ZNF615: variants seen among roughly 807,000 people sequenced by gnomAD.
ZNF615 encodes the protein zinc finger protein 615.
A neutral mutation model predicts 15.3 loss-of-function variants in ZNF615; 15 were observed. The ratio of observed to expected loss-of-function variants is 0.98; its 90% confidence interval spans 0.66 to 1.51. ZNF615 has a LOEUF of 1.51. Ranked by LOEUF, ZNF615 falls within the 40% of genes most tolerant of loss-of-function variation. The pLI is 0.00. For missense variants in ZNF615, 848 were observed against 895.9 expected, an observed-to-expected ratio of 0.95 and a Z score of 0.68; for synonymous variants, 268 against 294.6, an observed-to-expected ratio of 0.91 and a Z score of 0.92.
At chr19:52,004,187 G>A (rs2086684452) in intron 2 of ZNF615, among the ~76,000 whole-genome samples, 1 of 152,110 alleles carries the variant, frequency 6.6e-6, no homozygotes, top group Admixed American at 6.5e-5. Flanking sequence ...GCAATCCTCA[G>A]GCAGACCAGT....
chr19:51,993,557 T>C lies in ZNF615; in HGVS notation c.1552A>G (p.Thr518Ala), dbSNP rs751946120. ...CCACATACATAGGGTTTTTCTCCAG[T>C]ATGAGTTCGCTGATGCACAATAAGG... ...SRLIVHQRTHTGEKPYVCGEC... is the reference protein window; with the variant it reads ...SRLIVHQRTHAGEKPYVCGEC... The change falls in exon 7 of 7, where the codon ACT becomes GCT. Residue 518 changes from threonine (T) to alanine (A), a missense_variant. Physicochemically the swap from Thr to Ala is moderately conservative, Grantham distance 58. Coordinates refer to ENST00000598071, the MANE Select transcript of ZNF615 (RefSeq NM_001199324.2). 8.1e-6 allele frequency: 13 copies of C among 1,614,112 alleles called. No individual in the cohort carries two copies. The South Asian group carries it at 1.4e-4, about 18-fold the overall frequency.
intron 3 of ZNF615, among the ~76,000 whole-genome samples, chr19:52,003,146 A>G (rs1600012638): frequency 6.6e-6 from 1 of 151,976 alleles, no homozygotes; most frequent in East Asian, 1.9e-4. Context: ...CAAATTTGGA[A>G]AAAAAAATCC....
intron 6 of ZNF615, among the ~76,000 whole-genome samples, chr19:51,996,412 A>G (rs932286056): frequency 6.6e-6 from 1 of 150,832 alleles, no homozygotes; most frequent in African/African-American, 2.4e-5. Context: ...AAAAAAACGC[A>G]AAACTATATG....
chr19:52,003,793 AAAACTTC>A lies in ZNF615; in HGVS notation c.-89_-83del, dbSNP rs1476312408. On this transcript the variant is annotated 5_prime_UTR_variant, in exon 3 of 7. The change abolishes the stop of an existing upstream ORF in the 5' untranslated region. Transcript: ENST00000598071. ...TGAATCAGCTCTAAATTTCGGTTCA[AAAACTTC>A]AATCTCCAATCAAGGATGTCCCCAG... The A allele has an allele frequency of 8.8e-6, 14 of 1,587,702 alleles. No homozygotes were observed. The East Asian group carries it at 3.1e-4, about 36-fold the overall frequency.
At chr19:51,997,988 A>G (rs1280206723) in intron 6 of ZNF615, among the ~76,000 whole-genome samples, 1 of 152,112 alleles carries the variant, frequency 6.6e-6, no homozygotes, top group Non-Finnish European at 1.5e-5. Context: ...GATGATTTTA[A>G]TTTGTATTAT....
At chr19:52,002,416 T>A in intron 3 of ZNF615, 135 bp from the exon 4 acceptor site, 1 of 1,273,202 alleles carries the variant, frequency 7.9e-7, no homozygotes, top group Non-Finnish European at 1.1e-6. Context: ...TTTGACAGAA[T>A]AAGAATTCCA....
At chr19:52,006,270 C>T (rs868731955) in intron 2 of ZNF615, among the ~76,000 whole-genome samples, 1 of 151,730 alleles carries the variant, frequency 6.6e-6, no homozygotes, top group Admixed American at 6.6e-5. Flanking sequence ...AGAAACCAGG[C>T]GGGAGGAAGG....
intron 1 of ZNF615, among the ~76,000 whole-genome samples, chr19:52,007,541 G>C (rs943764702): frequency 6.6e-6 from 1 of 152,150 alleles, no homozygotes; most frequent in Non-Finnish European, 1.5e-5. Context: ...GGGCAGAAGG[G>C]GAATGCTAAT....
In ZNF615 at chr19:51,992,640, T is replaced by G; in HGVS notation, c.*240A>C. On this transcript the variant is annotated 3_prime_UTR_variant, in exon 7 of 7. Coordinates refer to ENST00000598071, the MANE Select transcript of ZNF615 (RefSeq NM_001199324.2). ...TGATCTATGATCACTTCTGAGGGGGTTTATCTTCCCACCAAAGGCTTTTAT... is the reference window on the plus strand; with the variant it reads ...TGATCTATGATCACTTCTGAGGGGGGTTATCTTCCCACCAAAGGCTTTTAT... 1 of 503,560 alleles carries G rather than the reference T, an allele frequency of 2.0e-6. No individual in the cohort carries two copies. The highest frequency in any genetic ancestry group is 3.5e-6 in the Non-Finnish European group (1 of 286,272). 31.2% of individuals were successfully genotyped at this position (503,560 alleles called of 1,614,324 possible).
chr19:52,004,907 A>G (rs2086704779), intron 2 of ZNF615: 1 of 152,186 alleles, frequency 6.6e-6, no homozygotes, highest in Admixed American at 6.6e-5. Flanking sequence ...TTGACTGGAA[A>G]AATAATACTG....
Position 51,994,182 on chromosome 19 carries a change from G to A in ZNF615, c.927C>T (p.Ile309=). ...GATGATAAATGAGCCGACACTTCTT[G>A]ATGAAGGCTTTCCCACATTGGCTAC... is the stretch of plus-strand genomic sequence containing the variant. ...YTCSQCGKAF[I]KKCRLIYHQR... Residue 309 remains isoleucine (I), a synonymous_variant, in exon 7 of 7, where the codon ATC becomes ATT. Transcript: ENST00000598071. The A allele has an allele frequency of 6.2e-7, 1 of 1,613,962 alleles. No individual in the cohort carries two copies. The highest frequency in any genetic ancestry group is 8.5e-7 in the Non-Finnish European group (1 of 1,180,012).
chr19:52,001,908 C>T lies in ZNF615; in HGVS notation c.143G>A (p.Gly48Glu), dbSNP rs1475728846. ...TGCATCTGGTTTGCTGGCTTGATACCCTGTTCATGGGAAATGACAGAAGAT... is the reference window on the plus strand; with the variant it reads ...TGCATCTGGTTTGCTGGCTTGATACTCTGTTCATGGGAAATGACAGAAGAT... ...LENYSNLVAVGYQASKPDALS... is the reference protein window; with the variant it reads ...LENYSNLVAVEYQASKPDALS... The change falls in exon 5 of 7, where the codon GGG (glycine) becomes GAG (glutamate). Residue 48 changes from glycine (G) to glutamate (E), a missense_variant and splice_region_variant. Gly to Glu is a moderately conservative substitution (Grantham distance 98, BLOSUM62 -2). Transcript: ENST00000598071. 5 of 1,614,036 alleles carry T rather than the reference C, an allele frequency of 3.1e-6. No homozygotes were observed. The Admixed American group carries it at 8.3e-5, about 27-fold the overall frequency.
intron 1 of ZNF615, chr19:52,007,865 G>A: frequency 2.3e-6 from 1 of 428,738 alleles, no homozygotes; most frequent in Non-Finnish European, 4.2e-6. Context: ...CTCAGTAGCG[G>A]ATCTCTAGAG....
chr19:51,999,915 C>A (rs754575626), intron 6 of ZNF615, among the ~76,000 whole-genome samples: 3 of 152,078 alleles, frequency 2.0e-5, no homozygotes, highest in Non-Finnish European at 4.4e-5. Context: ...ATGAAAGAGA[C>A]CCTGGATTTA....
At position 51,993,853 on chromosome 19, in the gene ZNF615, C is replaced by T. The variant is rs1323857004; in HGVS notation, c.1256G>A (p.Gly419Asp). The change falls in exon 7 of 7, where the codon GGC becomes GAC. Residue 419 changes from glycine (G) to aspartate (D), a missense_variant. Transcript: ENST00000598071. ...KLYTCSECGKGFSMKHCLMVH... is the reference protein window; with the variant it reads ...KLYTCSECGKDFSMKHCLMVH... Reference sequence around the variant, plus strand: ...CATGAGACAGTGCTTCATTGAAAAGCCTTTTCCACATTCACTACATGTATA... The same window carrying T: ...CATGAGACAGTGCTTCATTGAAAAGTCTTTTCCACATTCACTACATGTATA... 6.2e-7 allele frequency: 1 copy of T among 1,613,964 alleles called. No homozygotes were observed. The highest frequency in any genetic ancestry group is 1.3e-5 in the African/African-American group (1 of 74,894).
rs560260030 is a variant in ZNF615 at position 51,993,660 on chromosome 19, A to C, written c.1449T>G (p.Ile483Met). Residue 483 changes from isoleucine to methionine, a missense_variant, in exon 7 of 7, where the codon ATT (isoleucine) becomes ATG (methionine). Coordinates refer to ENST00000598071, the MANE Select transcript of ZNF615 (RefSeq NM_001199324.2). ...CTGCAGTATGAGTTCGCTGATGTACAATGAGGTCACTCTTCATGGTGAAAC... is the reference window on the plus strand; with the variant it reads ...CTGCAGTATGAGTTCGCTGATGTACCATGAGGTCACTCTTCATGGTGAAAC... ...RKGFTMKSDL[I>M]VHQRTHTAEK... The C allele has an allele frequency of 1.9e-6, 3 of 1,613,858 alleles. No individual in the cohort carries two copies. In the Admixed American group the frequency reaches 5.0e-5, roughly 27 times the overall value.
rs532372480 is a variant in ZNF615 at position 52,000,479 on chromosome 19, C to A, written c.239-101G>T. On this transcript the variant is annotated intron_variant, in intron 5 of 6. Coordinates refer to ENST00000598071, the MANE Select transcript of ZNF615 (RefSeq NM_001199324.2). ...TAGAGGGAAGATGATTCTTGTTCCT[C>A]ATACACAAAATGGGAAGTTACAGGC... 52 of 485,558 alleles carry A rather than the reference C, an allele frequency of 1.1e-4. No homozygotes were observed. In the Admixed American group the frequency reaches 1.4e-3, roughly 13 times the overall value. The allele number at this position is 485,558 out of a possible 1,614,324, so 30.1% of individuals were successfully genotyped here.
At chr19:52,001,478 C>CACA (rs2086588402) in intron 5 of ZNF615, among the ~76,000 whole-genome samples, 1 of 151,826 alleles carries the variant, frequency 6.6e-6, no homozygotes, top group African/African-American at 2.4e-5. Flanking sequence ...ATTAGCTGGG[C>CACA]GTGGTGGTAC....
chr19:51,998,914 C>G lies in ZNF615; in HGVS notation c.271+1432G>C, dbSNP rs181484751. Among the ~76,000 whole-genome samples the G allele has an allele frequency of 6.0e-4, 91 of 152,270 alleles. 1 individual carries two copies. The East Asian group carries it at 0.016, about 27-fold the overall frequency. On this transcript the variant is annotated intron_variant, in intron 6 of 6. Coordinates refer to ENST00000598071, the MANE Select transcript of ZNF615 (RefSeq NM_001199324.2). ...AAGTGATCCATCTGCCTTGGCCTCC[C>G]AAAATGCTGGGATTACAGGCATGAG... is the stretch of plus-strand genomic sequence containing the variant.
Sources: gnomAD v4.1 joint callset for allele counts (sites outside exome capture counted in the v4.1 genomes callset) on GRCh38, gnomAD v4.1.1 for gene constraint, MANE v1.5 for transcripts, NCBI Gene and HGNC (gene_info 2026-07-23, HGNC 2026-07-21) for gene names.